The following RBFOX1 variants were observed in gnomAD, a reference collection of about 807,000 sequenced individuals.
RBFOX1 encodes the protein RNA binding fox-1 homolog 1, also known as RNA binding protein fox-1 homolog 1.
RBFOX1 carries 8 observed loss-of-function variants against 57.7 expected under a neutral mutation model. The observed-to-expected ratio is 0.14, with a 90% CI of 0.08 to 0.25. The LOEUF (loss-of-function observed/expected upper bound fraction) is 0.25, where lower values mean the gene tolerates loss of function less well. Ranked by LOEUF, RBFOX1 falls within the 10% of genes least tolerant of loss-of-function variation. The pLI is 1.00. For missense variants in RBFOX1, 611 were observed against 548.5 expected (o/e 1.11, Z -1.14); for synonymous variants, 326 against 222.4 (o/e 1.47, Z -4.15).
At chr16:6,539,919 A>G (rs974622354) in intron 2 of RBFOX1, among the ~76,000 whole-genome samples, 5 of 152,172 alleles carry the variant, frequency 3.3e-5, no homozygotes, top group African/African-American at 1.2e-4. Flanking sequence ...CACCAAGGCA[A>G]GGTAACTTTA....
intron 4 of RBFOX1, among the ~76,000 whole-genome samples, chr16:7,217,647 G>A (rs576586255): frequency 1.3e-4 from 19 of 148,436 alleles, no homozygotes; most frequent in African/African-American, 4.9e-4. Flanking sequence ...AAAAAAAAAT[G>A]TCAGTGTTTA....
intron 2 of RBFOX1, among the ~76,000 whole-genome samples, chr16:5,566,185 A>T (rs1176919505): frequency 6.6e-6 from 1 of 152,164 alleles, no homozygotes; most frequent in South Asian, 2.1e-4. Context: ...ATGAAAATGG[A>T]TGAATACAAT....
At chr16:5,617,687 G>A (rs760462050) in intron 3 of RBFOX1, among the ~76,000 whole-genome samples, 9 of 152,184 alleles carry the variant, frequency 5.9e-5, no homozygotes, top group Non-Finnish European at 8.8e-5. Flanking sequence ...ACCCTGGAAA[G>A]CTAGTGTTTT....
intron 4 of RBFOX1, among the ~76,000 whole-genome samples, chr16:7,516,193 C>T (rs1835135411): frequency 6.6e-6 from 1 of 152,086 alleles, no homozygotes; most frequent in Admixed American, 6.6e-5. Flanking sequence ...TTTACAGCTG[C>T]CCATCACCGT....
At chr16:7,346,232 G>A (rs2097001760) in intron 4 of RBFOX1, among the ~76,000 whole-genome samples, 2 of 151,994 alleles carry the variant, frequency 1.3e-5, no homozygotes, top group South Asian at 4.1e-4. Flanking sequence ...TGTCATTGAT[G>A]GACATTTGGT....
At chr16:6,271,073 A>G (rs1166762488) in intron 1 of RBFOX1, among the ~76,000 whole-genome samples, 1 of 152,238 alleles carries the variant, frequency 6.6e-6, no homozygotes. Flanking sequence ...CAATAAATGA[A>G]TACATTAGAG....
chr16:7,320,799 G>A (rs1169851265), intron 4 of RBFOX1, among the ~76,000 whole-genome samples: 1 of 152,196 alleles, frequency 6.6e-6, no homozygotes, highest in Non-Finnish European at 1.5e-5. Context: ...TTAAGTATGT[G>A]GTTATATTAC....
At chr16:6,635,163 T>C (rs1357630067) in intron 2 of RBFOX1, among the ~76,000 whole-genome samples, 3 of 147,198 alleles carry the variant, frequency 2.0e-5, no homozygotes, top group Admixed American at 6.8e-5. Context: ...ATGAGTATAA[T>C]ATATTACGAA....
chr16:7,681,920 G>A (rs186540661), intron 14 of RBFOX1, among the ~76,000 whole-genome samples: 46 of 152,236 alleles, frequency 3.0e-4, no homozygotes, highest in Non-Finnish European at 6.0e-4. Flanking sequence ...TTTGTGATGT[G>A]TGGCAAGGAG....
intron 3 of RBFOX1, among the ~76,000 whole-genome samples, chr16:5,659,454 C>A (rs1451764156): frequency 6.6e-6 from 1 of 152,008 alleles, no homozygotes; most frequent in Non-Finnish European, 1.5e-5. Flanking sequence ...CAGGTGCCCG[C>A]CACCATGCCC....
intron 1 of RBFOX1, among the ~76,000 whole-genome samples, chr16:5,368,612 C>T (rs1490218372): frequency 6.6e-6 from 1 of 152,156 alleles, no homozygotes; most frequent in Non-Finnish European, 1.5e-5. Flanking sequence ...GTTTCTTAAA[C>T]TCTTGCCGTT....
At chr16:6,756,962 C>T (rs987262715) in intron 3 of RBFOX1, among the ~76,000 whole-genome samples, 8 of 148,418 alleles carry the variant, frequency 5.4e-5, no homozygotes, top group South Asian at 2.2e-4. Flanking sequence ...GCACCAAGGG[C>T]GAAACTCCAT....
rs148680556 is a variant in RBFOX1 at position 5,465,408 on chromosome 16, C to T, written c.220-1808C>T. Among the ~76,000 whole-genome samples, 746 of 152,266 alleles carry T rather than the reference C, an allele frequency of 4.9e-3. 10 individuals carry two copies. Among genetic ancestry groups the T allele is most frequent in the Non-Finnish European group, 4.3e-3 (292 of 68,038 alleles). ...AAAGGTCCTGTCTGCAAGTCAATTA[C>T]GTTCAGAAGTCCTAGATTTGGGGTT... is the stretch of plus-strand genomic sequence containing the variant. On this transcript the variant is annotated intron_variant, in intron 1 of 2. Coordinates refer to the RBFOX1 transcript ENST00000585867.
At chr16:5,955,573 T>C (rs954148370) in intron 4 of RBFOX1, among the ~76,000 whole-genome samples, 13 of 152,210 alleles carry the variant, frequency 8.5e-5, no homozygotes, top group Admixed American at 5.2e-4. Context: ...GTAAATATTG[T>C]TGAAATAAAT....
intron 3 of RBFOX1, among the ~76,000 whole-genome samples, chr16:6,812,705 G>A (rs767607413): frequency 7.9e-5 from 12 of 152,100 alleles, no homozygotes; most frequent in Non-Finnish European, 1.6e-4. Flanking sequence ...CCTAAATGTG[G>A]TCTAAATCTT....
intron 4 of RBFOX1, among the ~76,000 whole-genome samples, chr16:7,113,859 C>T (rs2065303195): frequency 6.6e-6 from 1 of 152,130 alleles, no homozygotes; most frequent in African/African-American, 2.4e-5. Flanking sequence ...TTCACAGTTA[C>T]TCACAATGGC....
chr16:6,154,866 A>G (rs2096827698), intron 1 of RBFOX1, among the ~76,000 whole-genome samples: 1 of 152,260 alleles, frequency 6.6e-6, no homozygotes. Flanking sequence ...ATGTAAAAAA[A>G]TGAAAGGGTA....
At chr16:6,328,841 T>C (rs1323794576) in intron 2 of RBFOX1, among the ~76,000 whole-genome samples, 1 of 151,596 alleles carries the variant, frequency 6.6e-6, no homozygotes, top group African/African-American at 2.4e-5. Flanking sequence ...CAAAAGGGAG[T>C]CGTGATTACT....
intron 2 of RBFOX1, among the ~76,000 whole-genome samples, chr16:5,508,928 A>T (rs573946421): frequency 6.6e-6 from 1 of 152,204 alleles, no homozygotes; most frequent in Non-Finnish European, 1.5e-5. Flanking sequence ...TCTCTCCAGC[A>T]TAGGAACCCT....
Sources: gnomAD v4.1 joint callset for allele counts (sites outside exome capture counted in the v4.1 genomes callset) on GRCh38, gnomAD v4.1.1 for gene constraint, MANE v1.5 for transcripts, NCBI Gene and HGNC (gene_info 2026-07-23, HGNC 2026-07-21) for gene names.